The following WDR93 variants were observed in gnomAD, a reference collection of about 807,000 sequenced individuals.
WDR93 encodes the protein WD repeat domain 93, also known as WD repeat-containing protein 93.
In WDR93, 73 loss-of-function variants were observed where a neutral mutation model predicts 82.9. That is an observed-to-expected ratio of 0.88 (90% confidence interval 0.73 to 1.07). WDR93 has a LOEUF of 1.07. Among genes scored for constraint, WDR93 ranks in the 50% least tolerant of loss-of-function variants. The probability of loss-of-function intolerance (pLI) is 0.00; values close to 1 mark genes in which losing one functional copy is unlikely to be tolerated. For synonymous variants in WDR93, 283 were observed against 300.1 expected (o/e 0.94, Z 0.59); for missense variants, 738 against 826.0 (o/e 0.89, Z 1.31).
At chr15:89,743,072 T>G (rs186114836) in intron 16 of WDR93, among the ~76,000 whole-genome samples, 1 of 152,346 alleles carries the variant, frequency 6.6e-6, no homozygotes, top group East Asian at 1.9e-4. Context: ...TCTACCCACA[T>G]GCACCTCACA....
chr15:89,714,771 G>A (rs1036611893), intron 5 of WDR93, among the ~76,000 whole-genome samples: 3 of 152,180 alleles, frequency 2.0e-5, no homozygotes, highest in African/African-American at 4.8e-5. Flanking sequence ...GTGGGTTGAG[G>A]GGATAACTCT....
chr15:89,741,971 T>A (rs1967711271), intron 16 of WDR93, among the ~76,000 whole-genome samples: 1 of 152,212 alleles, frequency 6.6e-6, no homozygotes, highest in Admixed American at 6.5e-5. Context: ...CAGGATGGTA[T>A]CGATCTCTTG....
chr15:89,729,823 C>T, intron 11 of WDR93, 54 bp downstream of exon 11: 1 of 1,423,806 alleles, frequency 7.0e-7, no homozygotes. Context: ...CAGACATGTC[C>T]TTCTCCAGCT....
intron 1 of WDR93, among the ~76,000 whole-genome samples, chr15:89,693,392 A>G (rs1379814338): frequency 2.6e-5 from 4 of 152,180 alleles, no homozygotes; most frequent in South Asian, 2.1e-4. Flanking sequence ...GGCTCCTACA[A>G]ATAAAGTTGT....
chr15:89,692,691 C>G (rs547508216), intron 1 of WDR93, among the ~76,000 whole-genome samples: 237 of 152,268 alleles, frequency 1.6e-3, no homozygotes, highest in African/African-American at 5.3e-3. Context: ...CTCACTGCAC[C>G]CTTCGTCTCC....
intron 8 of WDR93, among the ~76,000 whole-genome samples, chr15:89,722,876 A>G (rs1179835498): frequency 6.6e-6 from 1 of 152,074 alleles, no homozygotes; most frequent in African/African-American, 2.4e-5. Flanking sequence ...AAAAATGTTT[A>G]CGGTAGCATT....
At chr15:89,695,761 C>A (rs576952883) in intron 1 of WDR93, among the ~76,000 whole-genome samples, 2 of 148,138 alleles carry the variant, frequency 1.4e-5, no homozygotes, top group African/African-American at 2.5e-5. Context: ...TTATGTTTTT[C>A]TTTCCACTGA....
At chr15:89,716,609 G>A (rs1317404267) in intron 6 of WDR93, among the ~76,000 whole-genome samples, 3 of 152,208 alleles carry the variant, frequency 2.0e-5, no homozygotes, top group Non-Finnish European at 4.4e-5. Flanking sequence ...AGAAATATTT[G>A]CCTCAATTTG....
intron 7 of WDR93, among the ~76,000 whole-genome samples, chr15:89,720,478 G>C (rs1966479280): frequency 6.6e-6 from 1 of 152,040 alleles, no homozygotes; most frequent in African/African-American, 2.4e-5. Flanking sequence ...TCACCATATT[G>C]GTCAGGCTGG....
chr15:89,697,878 A>ATTT (rs377526780), intron 1 of WDR93, among the ~76,000 whole-genome samples: 1 of 130,740 alleles, frequency 7.6e-6, no homozygotes, highest in African/African-American at 3.0e-5. Context: ...CACTTTTATA[A>ATTT]TTTTTTTTTT....
rs191413344 is a variant in WDR93, at chr15:89,708,894, G to A, written c.562-3132G>A. ...AGTGGGGAAATGACCAAAGGTCAGA[G>A]AGTGTTCCTGAAGGCCAGGCTCAAC... On this transcript the variant is annotated intron_variant, in intron 4 of 16. Coordinates refer to ENST00000268130, the MANE Select transcript of WDR93 (RefSeq NM_020212.2). 2.4e-3 allele frequency among the ~76,000 whole-genome samples: 366 copies of A among 152,354 alleles called. 2 individuals carry two copies. Among genetic ancestry groups the A allele is most frequent in the Admixed American group, 4.6e-3 (71 of 15,308 alleles).
chr15:89,740,867 C>A (rs146926584), intron 16 of WDR93, among the ~76,000 whole-genome samples: 1 of 151,448 alleles, frequency 6.6e-6, no homozygotes, highest in African/African-American at 2.4e-5. Flanking sequence ...TGGCCGGGCG[C>A]GGTGGCTCAC....
At chr15:89,715,221 G>A in intron 6 of WDR93, 126 bp downstream of exon 6, 1 of 709,000 alleles carries the variant, frequency 1.4e-6, no homozygotes, top group Non-Finnish European at 2.3e-6. Flanking sequence ...CAGGAATATT[G>A]GCCCCTGTCT....
At chr15:89,719,473 G>A (rs1966421386) in intron 7 of WDR93, 1 of 152,064 alleles carries the variant, frequency 6.6e-6, no homozygotes, top group African/African-American at 2.4e-5. Context: ...TGTCCATTTT[G>A]TCTAAGTTGT....
chr15:89,709,555 T>C (rs1363779754), intron 4 of WDR93, among the ~76,000 whole-genome samples: 1 of 151,684 alleles, frequency 6.6e-6, no homozygotes, highest in Non-Finnish European at 1.5e-5. Context: ...GTATCCAGAA[T>C]ATATAAAGAA....
chr15:89,743,443 C>G lies in WDR93; in HGVS notation c.*52C>G, dbSNP rs1967833887. 1.9e-6 allele frequency: 3 copies of G among 1,573,494 alleles called. No individual in the cohort carries two copies. Among genetic ancestry groups the G allele is most frequent in the Non-Finnish European group, 2.6e-6 (3 of 1,145,674 alleles). ...AAAGGAGGTTTCAGCCACGAGGCAG[C>G]TGCTCCCAGGACACTGAGGCCAAGA... On this transcript the variant is annotated 3_prime_UTR_variant, in exon 17 of 17. Transcript: ENST00000268130.
chr15:89,722,303 C>CA (rs565189405), intron 8 of WDR93, among the ~76,000 whole-genome samples, 164 bp downstream of exon 8: 3 of 152,014 alleles, frequency 2.0e-5, no homozygotes, highest in South Asian at 2.1e-4. Flanking sequence ...GACATTAAAA[C>CA]AAAAAATGTA....
chr15:89,718,736 G>A (rs115368679), intron 7 of WDR93, among the ~76,000 whole-genome samples: 2,354 of 152,314 alleles, frequency 0.015, 62 homozygotes, highest in African/African-American at 0.054. Flanking sequence ...CCTCTCCAGA[G>A]GTAATCACCA....
chr15:89,728,799 G>C (rs1243241672), intron 9 of WDR93, among the ~76,000 whole-genome samples: 1 of 152,104 alleles, frequency 6.6e-6, no homozygotes, highest in Non-Finnish European at 1.5e-5. Flanking sequence ...CACCACACTG[G>C]CCTAGGAGTG....
Sources: allele counts gnomAD v4.1 joint callset (sites outside exome capture counted in the v4.1 genomes callset), GRCh38; gene constraint gnomAD v4.1.1; transcripts MANE v1.5; gene names NCBI Gene and HGNC (gene_info 2026-07-23, HGNC 2026-07-21).